COL28A1: variants seen among roughly 807,000 people sequenced by gnomAD.
The protein encoded by COL28A1 is collagen alpha-1(XXVIII) chain.
Under a neutral mutation model 150.2 loss-of-function variants are expected in COL28A1, and 161 were observed. The ratio of observed to expected loss-of-function variants is 1.07; its 90% CI spans 0.94 to 1.22. The LOEUF is 1.22. COL28A1 is among the 50% of genes most tolerant of loss of function. COL28A1 has a pLI of 0.00. For missense variants in COL28A1, 1,617 were observed against 1,388.3 expected (o/e 1.16, Z -2.62); for synonymous variants, 552 against 469.7 (o/e 1.18, Z -2.26).
chr7:7,447,929 G>C (rs1372451783), intron 18 of COL28A1, among the ~76,000 whole-genome samples: 1 of 152,046 alleles, frequency 6.6e-6, no homozygotes, highest in Non-Finnish European at 1.5e-5. Context: ...TTAGCCAGGA[G>C]TGGTGGTGCC....
chr7:7,443,881 T>G (rs748735653), intron 19 of COL28A1, among the ~76,000 whole-genome samples: 2 of 152,070 alleles, frequency 1.3e-5, no homozygotes, highest in Non-Finnish European at 2.9e-5. Context: ...AAAAGTAATT[T>G]ATCAGCCAAT....
At chr7:7,489,544 G>A in intron 12 of COL28A1, 87 bp from the exon 13 acceptor site, 2 of 792,338 alleles carry the variant, frequency 2.5e-6, no homozygotes, top group South Asian at 1.5e-5. Context: ...TTTCAACAAG[G>A]ATAAATAGCG....
Position 7,435,402 on chromosome 7 carries a change from T to C in COL28A1, c.1860+993A>G, listed in dbSNP as rs188450455. 1.4e-3 allele frequency among the ~76,000 whole-genome samples: 215 copies of C among 152,342 alleles called. 4 individuals are homozygous for C. The highest frequency in any genetic ancestry group is 0.013 in the Admixed American group (202 of 15,302). ...AGTGGTCTACATAGTTTGGGTTACC[T>C]TGGGATCTGTGGGAAGTAGACGAAC... On this transcript the variant is annotated intron_variant, in intron 23 of 34. Transcript: ENST00000399429.
intron 25 of COL28A1, among the ~76,000 whole-genome samples, chr7:7,428,914 G>T (rs1016034725): frequency 6.6e-6 from 1 of 152,162 alleles, no homozygotes; most frequent in Non-Finnish European, 1.5e-5. Context: ...ATGTTGCAGG[G>T]AATTTTTCCA....
chr7:7,516,431 G>A (rs907878802), intron 7 of COL28A1, among the ~76,000 whole-genome samples: 1 of 152,120 alleles, frequency 6.6e-6, no homozygotes, highest in Admixed American at 6.5e-5. Context: ...TAAATAAGAG[G>A]CCAGCACTTC....
At chr7:7,436,294 C>T in intron 23 of COL28A1, 101 bp downstream of exon 23, 1 of 767,818 alleles carries the variant, frequency 1.3e-6, no homozygotes. Flanking sequence ...TTTAGTTAAT[C>T]AATGTAGAAA....
chr7:7,489,518 C>T (rs1390557362), intron 12 of COL28A1, 61 bp from the exon 13 acceptor site: 3 of 865,962 alleles, frequency 3.5e-6, no homozygotes, highest in Non-Finnish European at 5.9e-6. Flanking sequence ...AAACATAGCG[C>T]AAAGTTCTCT....
intron 11 of COL28A1, among the ~76,000 whole-genome samples, chr7:7,494,901 T>A (rs1167386877): frequency 6.6e-6 from 1 of 152,164 alleles, no homozygotes; most frequent in Admixed American, 6.5e-5. Context: ...GAATCATAGC[T>A]AATCTGATGG....
At chr7:7,409,215 G>A (rs1222551913) in intron 27 of COL28A1, among the ~76,000 whole-genome samples, 1 of 152,060 alleles carries the variant, frequency 6.6e-6, no homozygotes, top group Non-Finnish European at 1.5e-5. Flanking sequence ...ACCACTGATG[G>A]GTAGGAAAAG....
chr7:7,463,937 A>C (rs1787843993), intron 15 of COL28A1, among the ~76,000 whole-genome samples: 1 of 152,220 alleles, frequency 6.6e-6, no homozygotes, highest in South Asian at 2.1e-4. Context: ...ATAAGGACTC[A>C]CTTAAACTTA....
intron 33 of COL28A1, among the ~76,000 whole-genome samples, chr7:7,364,851 A>T (rs1022962103): frequency 6.6e-6 from 1 of 152,020 alleles, no homozygotes; most frequent in East Asian, 1.9e-4. Context: ...TTTCCATAGC[A>T]TAGAATAGGC....
chr7:7,396,814 A>G (rs1300718087), intron 27 of COL28A1, among the ~76,000 whole-genome samples: 6 of 152,212 alleles, frequency 3.9e-5, no homozygotes, highest in Non-Finnish European at 8.8e-5. Flanking sequence ...AAAGGCAGAG[A>G]AATAGTTGAC....
At chr7:7,502,063 T>A (rs1780562495) in intron 11 of COL28A1, among the ~76,000 whole-genome samples, 1 of 152,092 alleles carries the variant, frequency 6.6e-6, no homozygotes, top group South Asian at 2.1e-4. Flanking sequence ...CCCGGCTAAT[T>A]TTTGTGCTGT....
chr7:7,375,265 G>T (rs1333886746), intron 31 of COL28A1, among the ~76,000 whole-genome samples, 196 bp downstream of exon 31: 2 of 152,168 alleles, frequency 1.3e-5, no homozygotes, highest in Non-Finnish European at 2.9e-5. Flanking sequence ...CTGGGAAGAT[G>T]ATTTTATTTC....
At chr7:7,420,806 C>T (rs1204573403) in intron 25 of COL28A1, among the ~76,000 whole-genome samples, 4 of 152,170 alleles carry the variant, frequency 2.6e-5, no homozygotes, top group African/African-American at 9.7e-5. Context: ...GCTCCACTCA[C>T]CTATTTTATT....
chr7:7,453,575 A>C lies in COL28A1; in HGVS notation c.1372-67T>G, dbSNP rs954868623. ...GTAGTTTCAAATCCTCTAAAGTGAAACTTTAGTTCATACCCCATAATAAGT... is the reference window on the plus strand; with the variant it reads ...GTAGTTTCAAATCCTCTAAAGTGAACCTTTAGTTCATACCCCATAATAAGT... On this transcript the variant is annotated intron_variant, in intron 16 of 34. Coordinates refer to ENST00000399429, the MANE Select transcript of COL28A1 (RefSeq NM_001037763.3). 5.0e-6 allele frequency: 4 copies of C among 802,966 alleles called. No homozygotes were observed. The African/African-American group carries it at 7.0e-5, about 14-fold the overall frequency. 49.7% of individuals were successfully genotyped at this position (802,966 alleles called of 1,614,324 possible). A position where few individuals can be genotyped will look rare whatever the true frequency, so the allele number is the denominator to read the frequency against.
intron 20 of COL28A1, 100 bp from the exon 21 acceptor site, chr7:7,440,961 A>G: frequency 1.5e-6 from 1 of 652,726 alleles, no homozygotes; most frequent in Non-Finnish European, 2.8e-6. Flanking sequence ...GACTAATACC[A>G]ATTTTAAAGT....
intron 11 of COL28A1, among the ~76,000 whole-genome samples, chr7:7,503,457 T>C (rs1780644451): frequency 1.3e-5 from 2 of 152,372 alleles, no homozygotes; most frequent in African/African-American, 4.8e-5. Context: ...ACAGAATTAC[T>C]GAATTTTAGA....
At chr7:7,486,414 A>AT (rs1779627923) in intron 13 of COL28A1, among the ~76,000 whole-genome samples, 1 of 152,148 alleles carries the variant, frequency 6.6e-6, no homozygotes, top group Non-Finnish European at 1.5e-5. Context: ...TATTGTTTTT[A>AT]TACCAATGCC....
Sources: allele counts gnomAD v4.1 joint callset (sites outside exome capture counted in the v4.1 genomes callset), GRCh38; gene constraint gnomAD v4.1.1; transcripts MANE v1.5; gene names NCBI Gene and HGNC (gene_info 2026-07-23, HGNC 2026-07-21).